Variants in THBS1 observed in about 807,000 individuals in gnomAD.
THBS1 encodes the protein thrombospondin 1.
A neutral mutation model predicts 126.1 loss-of-function variants in THBS1; 29 were observed. That is an observed-to-expected ratio of 0.23 (90% CI 0.17 to 0.31). The LOEUF is 0.31. Among genes scored for constraint, THBS1 ranks in the 10% least tolerant of loss-of-function variants. The pLI is 1.00. For synonymous variants in THBS1, 496 were observed against 577.8 expected (o/e 0.86, Z 2.03); for missense variants, 1,198 against 1,545.2 (o/e 0.78, Z 3.77).
chr15:39,582,068 T>C, intron 2 of THBS1, 125 bp from the exon 3 acceptor site: 2 of 1,321,562 alleles, frequency 1.5e-6, no homozygotes, highest in Non-Finnish European at 2.1e-6. Flanking sequence ...CTGGTATTTA[T>C]TCACCTCTTT....
intron 8 of THBS1, 78 bp from the exon 9 acceptor site, chr15:39,587,964 C>A: frequency 3.5e-6 from 5 of 1,415,164 alleles, no homozygotes; most frequent in Non-Finnish European, 9.7e-7. Context: ...GGAAATACTT[C>A]TGCGTGCTCC....
Position 39,588,102 on chromosome 15 carries a change from G to A in THBS1, c.1355G>A (p.Gly452Asp), listed in dbSNP as rs1890243146. ...TGGTCATCTTGTTCTGTGACATGTG[G>A]TGATGGTGTGATCACAAGGATCCGG... ...SPWSSCSVTC[G>D]DGVITRIRLC... The change falls in exon 9 of 22, where the codon GGT becomes GAT. Residue 452 changes from glycine (G) to aspartate (D), a missense_variant. By Grantham distance (94) the Gly-to-Asp change is moderately conservative. This residue lies in a region of THBS1 where 663 missense variants were observed against 860.1 expected (regional missense o/e 0.77). Transcript: ENST00000260356. The A allele has an allele frequency of 1.9e-6, 3 of 1,614,254 alleles. No homozygotes were observed. Among genetic ancestry groups the A allele is most frequent in the Non-Finnish European group, 2.5e-6 (3 of 1,180,046 alleles).
In THBS1 at chr15:39,594,285, T is replaced by A. The variant is rs1407955357; in HGVS notation, c.3366-16T>A. ...TAAATAGCATTGTCACTAAACAAGA[T>A]TTTTTTTCCCTGCAGAGTGGTGATG... On this transcript the variant is annotated splice_polypyrimidine_tract_variant and intron_variant, in intron 20 of 21. Coordinates refer to ENST00000260356, the MANE Select transcript of THBS1 (RefSeq NM_003246.4). The surrounding 1 kb of genome is among the most constrained non-coding windows in gnomAD (Gnocchi z 4.4). 1.2e-6 allele frequency: 2 copies of A among 1,613,250 alleles called. No individual in the cohort carries two copies. Among genetic ancestry groups the A allele is most frequent in the Middle Eastern group, 1.7e-4 (1 of 6,054 alleles).
At chr15:39,588,394 C>T (rs1890252119) in intron 9 of THBS1, 132 bp from the exon 10 acceptor site, 6 of 1,320,852 alleles carry the variant, frequency 4.5e-6, no homozygotes, top group Non-Finnish European at 6.1e-6. Context: ...AAAACAAACT[C>T]ACCCTCTTCC....
In THBS1 at chr15:39,593,652, G is replaced by A. The variant is rs779002058; in HGVS notation, c.3251G>A (p.Gly1084Glu). 5.8e-5 allele frequency: 94 copies of A among 1,613,676 alleles called. 1 individual carries two copies. The East Asian group carries it at 8.0e-4, about 14-fold the overall frequency. Reference protein sequence around the residue: ...EHLRNALWHTGNTPGQVRTLW... With the variant: ...EHLRNALWHTENTPGQVRTLW... ...CTGCGGAACGCCCTGTGGCACACAG[G>A]AAACACCCCTGGCCAGGTAAGAAGC... is the stretch of plus-strand genomic sequence containing the variant. Residue 1084 changes from glycine (G) to glutamate (E), a missense_variant, in exon 19 of 22, where the codon GGA (glycine) becomes GAA (glutamate). Gly to Glu is a moderately conservative substitution (Grantham distance 98). Around this residue, in one of 4 missense-constraint regions of THBS1, gnomAD observed 255 missense variants for 373.9 expected, o/e 0.68. Coordinates refer to ENST00000260356, the MANE Select transcript of THBS1 (RefSeq NM_003246.4). This position sits in a 1 kb window ranked among gnomAD's most constrained non-coding sequence, Gnocchi z 5.9.
In THBS1 at chr15:39,585,546, G is replaced by A; in HGVS notation, c.1103G>A (p.Cys368Tyr). The A allele has an allele frequency of 6.2e-7, 1 of 1,614,054 alleles. No individual in the cohort carries two copies. Among genetic ancestry groups the A allele is most frequent in the Non-Finnish European group, 8.5e-7 (1 of 1,180,036 alleles). The change falls in exon 7 of 22, where the codon TGC becomes TAC. Residue 368 changes from cysteine (C) to tyrosine (Y), a missense_variant. By Grantham distance (194) the Cys-to-Tyr change is radical. Coordinates refer to ENST00000260356, the MANE Select transcript of THBS1 (RefSeq NM_003246.4). ...CSNATVPDGE[C>Y]CPRCWPSDSA... is the part of the protein sequence containing the mutation. ...AATGCCACAGTTCCTGATGGAGAAT[G>A]CTGTCCTCGCTGTTGGCGTAAGTTT...
rs542714270 is a variant in THBS1, at chr15:39,594,945, A to G, written c.3506-417A>G. ...ACTTAGTCATTACTTAAGCTCGCTG[A>G]GTCCAACACTGGCTCTACCACAAAA... On this transcript the variant is annotated intron_variant, in intron 21 of 21. Transcript: ENST00000260356. The surrounding 1 kb of genome is among the most constrained non-coding windows in gnomAD (Gnocchi z 4.4). Among the ~76,000 whole-genome samples the G allele has an allele frequency of 5.3e-5, 8 of 152,332 alleles. No individual in the cohort carries two copies. The South Asian group carries it at 1.7e-3, about 32-fold the overall frequency.
intron 10 of THBS1, 53 bp downstream of exon 10, chr15:39,588,752 A>G: frequency 6.5e-7 from 1 of 1,549,126 alleles, no homozygotes; most frequent in Non-Finnish European, 8.7e-7. Flanking sequence ...TCTTTTACTG[A>G]ATGCTGCAGT....
Position 39,595,560 on chromosome 15 carries a change from A to G in THBS1, c.*191A>G, listed in dbSNP as rs1890421103. 6.0e-6 allele frequency: 4 copies of G among 664,102 alleles called. No individual in the cohort carries two copies. The highest frequency in any genetic ancestry group is 2.5e-4 in the Middle Eastern group (1 of 4,010). 41.1% of individuals were successfully genotyped at this position (664,102 alleles called of 1,614,324 possible). The stretch of plus-strand genomic sequence containing the variant: ...TGCAGTTTTCAAAAACAGACTCAGC[A>G]TTCAGCCTCCAATGAATAAGACATC... On this transcript the variant is annotated 3_prime_UTR_variant, in exon 22 of 22. Transcript: ENST00000260356.
At chr15:39,582,079 C>A in intron 2 of THBS1, 114 bp from the exon 3 acceptor site, 1 of 1,329,196 alleles carries the variant, frequency 7.5e-7, no homozygotes, top group Non-Finnish European at 1.0e-6. Context: ...TCACCTCTTT[C>A]AGTGGTTGCC....
Position 39,582,405 on chromosome 15 carries a change from C to T in THBS1, c.280C>T (p.Leu94=). The T allele has an allele frequency of 6.2e-7, 1 of 1,614,118 alleles. No individual in the cohort carries two copies. Among genetic ancestry groups the T allele is most frequent in the Non-Finnish European group, 8.5e-7 (1 of 1,179,994 alleles). Residue 94 remains leucine, a synonymous_variant, in exon 3 of 22, where the codon CTG becomes TTG. Coordinates refer to ENST00000260356, the MANE Select transcript of THBS1 (RefSeq NM_003246.4). ...AEKGFLLLAS[L]RQMKKTRGTL... ...AAAGGGTTTCCTCCTTCTGGCATCC[C>T]TGAGGCAGATGAAGAAGACCCGGGG...
Position 39,594,525 on chromosome 15 carries a change from G to A in THBS1, c.3505+85G>A, listed in dbSNP as rs901461656. Reference sequence around the variant, plus strand: ...GATGACGGTTATGGGGGAGTCCAGTGTAAAGACTGTTTTGGAGACAGGGTT... The same window carrying A: ...GATGACGGTTATGGGGGAGTCCAGTATAAAGACTGTTTTGGAGACAGGGTT... On this transcript the variant is annotated intron_variant, in intron 21 of 21. Coordinates refer to ENST00000260356, the MANE Select transcript of THBS1 (RefSeq NM_003246.4). This position sits in a 1 kb window ranked among gnomAD's most constrained non-coding sequence, Gnocchi z 4.4. 2 of 1,526,900 alleles carry A rather than the reference G, an allele frequency of 1.3e-6. No homozygotes were observed. The highest frequency in any genetic ancestry group is 1.4e-5 in the African/African-American group (1 of 72,040). 94.6% of individuals were successfully genotyped at this position (1,526,900 alleles called of 1,614,324 possible).
chr15:39,593,956 G>T lies in THBS1; in HGVS notation c.3268-143G>T. The T allele has an allele frequency of 1.1e-6, 1 of 942,146 alleles. No homozygotes were observed. The highest frequency in any genetic ancestry group is 1.6e-6 in the Non-Finnish European group (1 of 639,996). 58.4% of individuals were successfully genotyped at this position (942,146 alleles called of 1,614,324 possible). A position where few individuals can be genotyped will look rare whatever the true frequency, so the allele number is the denominator to read the frequency against. On this transcript the variant is annotated intron_variant, in intron 19 of 21. Coordinates refer to ENST00000260356, the MANE Select transcript of THBS1 (RefSeq NM_003246.4). This position sits in a 1 kb window ranked among gnomAD's most constrained non-coding sequence, Gnocchi z 5.9. ...GTGCTCAGTGGCACACAACAAATAT[G>T]AGAGGACTTGGAAAAATTCCCCATT...
Position 39,598,123 on chromosome 15 carries a change from T to C in THBS1, c.*2754T>C, listed in dbSNP as rs771006832. 6.6e-6 allele frequency: 1 copy of C among 152,262 alleles called. No homozygotes were observed. Among genetic ancestry groups the C allele is most frequent in the Non-Finnish European group, 1.5e-5 (1 of 68,054 alleles). 9.4% of individuals were successfully genotyped at this position (152,262 alleles called of 1,614,324 possible). ...TGTACCAATAAGCAGACCTTGATTT[T>C]TGGATGGGCTAATTATGAATGTGGA... On this transcript the variant is annotated 3_prime_UTR_variant, in exon 22 of 22. Transcript: ENST00000260356.
intron 3 of THBS1, 51 bp from the exon 4 acceptor site, chr15:39,583,566 A>G (rs756147729): frequency 2.8e-6 from 2 of 716,534 alleles, no homozygotes; most frequent in African/African-American, 1.8e-5. Context: ...CCCCAACCCC[A>G]TCCCCACCCC....
At position 39,596,124 on chromosome 15, in the gene THBS1, G is replaced by C. The variant is rs1890437568; in HGVS notation, c.*755G>C. ...AAGGCAGTGCTGGCTGCCATTGCCT[G>C]GTCACATTGAAATTGGTGGCTTCAT... On this transcript the variant is annotated 3_prime_UTR_variant, in exon 22 of 22. Transcript: ENST00000260356. 3.4e-6 allele frequency: 1 copy of C among 292,876 alleles called. No individual in the cohort carries two copies. Among genetic ancestry groups the C allele is most frequent in the African/African-American group, 2.2e-5 (1 of 45,718 alleles). The allele number at this position is 292,876 out of a possible 1,614,324, so 18.1% of individuals were successfully genotyped here.
rs1595516601 is a variant in THBS1, at chr15:39,597,385, C to T, written c.*2016C>T. ...TTTGTACACATTTTTATCCATTTTA[C>T]ATTCTAAAGCAGTGTAAGTTGTATA... is the stretch of plus-strand genomic sequence containing the variant. On this transcript the variant is annotated 3_prime_UTR_variant, in exon 22 of 22. Transcript: ENST00000260356. 1 of 135,744 alleles carries T rather than the reference C, an allele frequency of 7.4e-6. No homozygotes were observed. Among genetic ancestry groups the T allele is most frequent in the East Asian group, 2.5e-4 (1 of 3,988 alleles). 8.4% of individuals were successfully genotyped at this position (135,744 alleles called of 1,614,324 possible). A position where few individuals can be genotyped will look rare whatever the true frequency, so the allele number is the denominator to read the frequency against.
At chr15:39,582,813 G>A in intron 3 of THBS1, 61 bp downstream of exon 3, 1 of 1,516,974 alleles carries the variant, frequency 6.6e-7, no homozygotes, top group Non-Finnish European at 8.8e-7. Context: ...TGACCTGCCA[G>A]GAGGGCTACA....
intron 3 of THBS1, 48 bp downstream of exon 3, chr15:39,582,800 A>T: frequency 6.5e-7 from 1 of 1,544,070 alleles, no homozygotes; most frequent in Non-Finnish European, 8.7e-7. Flanking sequence ...TCTGCTAGAC[A>T]GGTGACCTGC....
Sources: gnomAD v4.1 joint callset for allele counts (sites outside exome capture counted in the v4.1 genomes callset) on GRCh38, gnomAD v4.1.1 for gene constraint, gnomAD v4.1.1 regional missense constraint, Gnocchi (gnomAD v3.1) non-coding constraint, MANE v1.5 for transcripts, NCBI Gene and HGNC (gene_info 2026-07-23, HGNC 2026-07-21) for gene names.